TTC28: variants seen among roughly 807,000 people sequenced by gnomAD.
The protein encoded by TTC28 is tetratricopeptide repeat protein 28.
TTC28 carries 61 observed loss-of-function variants against 198.0 expected under a neutral mutation model. The ratio of observed to expected loss-of-function variants is 0.31; its 90% CI spans 0.25 to 0.38. The LOEUF is 0.38. Among genes scored for constraint, TTC28 ranks in the 10% least tolerant of loss-of-function variants. TTC28 has a pLI of 1.00. For synonymous variants in TTC28, 1,171 were observed against 1,297.8 expected (o/e 0.90, Z 2.10); for missense variants, 2,678 against 3,164.0 (o/e 0.85, Z 3.69).
chr22:28,219,448 C>T (rs1259769660), intron 5 of TTC28, among the ~76,000 whole-genome samples: 2 of 150,822 alleles, frequency 1.3e-5, no homozygotes, highest in Admixed American at 1.3e-4. Context: ...GCAGGGGTTG[C>T]AGTGAGCCAA....
chr22:28,264,834 T>C (rs896004685), intron 5 of TTC28, among the ~76,000 whole-genome samples: 1 of 152,042 alleles, frequency 6.6e-6, no homozygotes, highest in Non-Finnish European at 1.5e-5. Context: ...GCGATATGAG[T>C]GTAAAGTTTA....
At chr22:28,206,296 C>T (rs5752706) in intron 5 of TTC28, among the ~76,000 whole-genome samples, 1 of 152,114 alleles carries the variant, frequency 6.6e-6, no homozygotes. Context: ...CCTCAAATTT[C>T]TTCTTATAAA....
chr22:28,222,150 T>C (rs756232560), intron 5 of TTC28, among the ~76,000 whole-genome samples: 2 of 152,202 alleles, frequency 1.3e-5, no homozygotes, highest in Non-Finnish European at 2.9e-5. Context: ...TTAATGAGCA[T>C]TGATGCAGCT....
At chr22:28,456,120 C>G (rs953954383) in intron 2 of TTC28, among the ~76,000 whole-genome samples, 2 of 150,194 alleles carry the variant, frequency 1.3e-5, no homozygotes, top group Non-Finnish European at 2.9e-5. Flanking sequence ...GATTGCACCA[C>G]TACACTCCAG....
At chr22:28,232,223 G>C (rs1490245254) in intron 5 of TTC28, among the ~76,000 whole-genome samples, 1 of 152,138 alleles carries the variant, frequency 6.6e-6, no homozygotes, top group Non-Finnish European at 1.5e-5. Flanking sequence ...CCAATCAATT[G>C]AATGATCAAT....
At chr22:28,437,639 C>A (rs2047541080) in intron 2 of TTC28, among the ~76,000 whole-genome samples, 1 of 152,040 alleles carries the variant, frequency 6.6e-6, no homozygotes, top group Non-Finnish European at 1.5e-5. Context: ...GTCACTCAGG[C>A]TGGAGTGTAA....
intron 2 of TTC28, among the ~76,000 whole-genome samples, chr22:28,602,440 A>G (rs185160150): frequency 6.6e-6 from 1 of 152,314 alleles, no homozygotes; most frequent in South Asian, 2.1e-4. Context: ...TTCTAATTTT[A>G]ATGGTGGTAC....
At chr22:28,338,182 G>T (rs1278244039) in intron 2 of TTC28, among the ~76,000 whole-genome samples, 1 of 152,186 alleles carries the variant, frequency 6.6e-6, no homozygotes, top group East Asian at 1.9e-4. Context: ...ACTCTCTTCT[G>T]GCTTGTAGAG....
At chr22:28,520,739 T>C (rs980425804) in intron 2 of TTC28, among the ~76,000 whole-genome samples, 22 of 151,666 alleles carry the variant, frequency 1.5e-4, no homozygotes, top group Admixed American at 1.4e-3. Flanking sequence ...GCCTGGGCAA[T>C]AGAGTAAGAC....
intron 1 of TTC28, among the ~76,000 whole-genome samples, chr22:28,636,127 A>ATTT (rs71316851): frequency 0.38 from 25,184 of 65,592 alleles, 10,043 homozygotes; most frequent in South Asian, 0.48. Context: ...AAATGTCAGG[A>ATTT]TTTTTTTTTT....
rs551514203 is a variant in TTC28, at chr22:28,051,849, G to A, written c.3933-21483C>T. Among the ~76,000 whole-genome samples the A allele has an allele frequency of 1.8e-3, 268 of 152,284 alleles. 2 individuals are homozygous for A. Among genetic ancestry groups the A allele is most frequent in the African/African-American group, 6.2e-3 (256 of 41,558 alleles). On this transcript the variant is annotated intron_variant, in intron 12 of 22. Coordinates refer to ENST00000397906, the MANE Select transcript of TTC28 (RefSeq NM_001145418.2). ...CCACCCATCGTCCACACAGTCTACA[G>A]CGAATTTATATGGGGCCTAAGGGTG... is the stretch of plus-strand genomic sequence containing the variant.
chr22:28,530,205 A>G (rs1379472381), intron 2 of TTC28, among the ~76,000 whole-genome samples: 1 of 152,206 alleles, frequency 6.6e-6, no homozygotes, highest in African/African-American at 2.4e-5. Context: ...CAGCGTAGAG[A>G]AGATGTTAAA....
intron 2 of TTC28, among the ~76,000 whole-genome samples, chr22:28,336,689 G>A (rs113753104): frequency 4.0e-5 from 6 of 151,502 alleles, no homozygotes; most frequent in South Asian, 4.2e-4. Flanking sequence ...GGTGATATCC[G>A]CTTTATCATT....
chr22:28,486,248 T>G (rs968999436), intron 2 of TTC28, among the ~76,000 whole-genome samples: 3 of 152,060 alleles, frequency 2.0e-5, no homozygotes, highest in African/African-American at 7.2e-5. Flanking sequence ...CAAGGAAGGC[T>G]TGAAAAACAG....
intron 12 of TTC28, among the ~76,000 whole-genome samples, chr22:28,081,463 T>C (rs1178341673): frequency 1.3e-5 from 2 of 151,974 alleles, no homozygotes; most frequent in East Asian, 1.9e-4. Flanking sequence ...TTAGAATTTT[T>C]TTCTATTTCT....
chr22:28,462,235 T>C (rs1235641559), intron 2 of TTC28, among the ~76,000 whole-genome samples: 1 of 152,200 alleles, frequency 6.6e-6, no homozygotes, highest in Non-Finnish European at 1.5e-5. Flanking sequence ...ATGTCAGGCT[T>C]GGCCATGTGA....
At chr22:28,410,539 T>G (rs531705494) in intron 2 of TTC28, among the ~76,000 whole-genome samples, 12 of 152,334 alleles carry the variant, frequency 7.9e-5, no homozygotes, top group Middle Eastern at 6.8e-3. Context: ...GAACATAGAT[T>G]GTATTCGTGT....
intron 22 of TTC28, among the ~76,000 whole-genome samples, chr22:27,984,335 G>T (rs1441119090): frequency 6.6e-6 from 1 of 152,042 alleles, no homozygotes; most frequent in African/African-American, 2.4e-5. Context: ...AGTCCATTCA[G>T]GTTTTAGTCC....
chr22:28,098,897 A>G lies in TTC28; in HGVS notation c.3547+18T>C. On this transcript the variant is annotated intron_variant, in intron 10 of 22. Transcript: ENST00000397906. ...ACTAGTGCACACGTAAGCAAGGAGT[A>G]ACCCCAGCTGTTCTCACCTAGGCTG... The G allele has an allele frequency of 6.4e-7, 1 of 1,551,262 alleles. No individual in the cohort carries two copies.
Sources: gnomAD v4.1 joint callset for allele counts (sites outside exome capture counted in the v4.1 genomes callset) on GRCh38, gnomAD v4.1.1 for gene constraint, MANE v1.5 for transcripts, NCBI Gene and HGNC (gene_info 2026-07-23, HGNC 2026-07-21) for gene names.